Variants in RAD51B observed in about 807,000 individuals in gnomAD.
The protein encoded by RAD51B is DNA repair protein RAD51 homolog 2.
RAD51B carries 38 observed loss-of-function variants against 42.2 expected under a neutral mutation model. The ratio of observed to expected loss-of-function variants is 0.90; its 90% CI spans 0.70 to 1.18. RAD51B has a LOEUF of 1.18. RAD51B is among the 50% of genes most tolerant of loss of function. The pLI, the probability that RAD51B is intolerant of heterozygous loss-of-function variation, is 0.00. For synonymous variants in RAD51B, 154 were observed against 145.2 expected, an observed-to-expected ratio of 1.06 and a Z score of -0.43; for missense variants, 373 against 400.7, an observed-to-expected ratio of 0.93 and a Z score of 0.59.
chr14:68,524,836 T>G (rs1026547008), intron 10 of RAD51B, among the ~76,000 whole-genome samples: 1 of 152,240 alleles, frequency 6.6e-6, no homozygotes, highest in Non-Finnish European at 1.5e-5. Context: ...TCTCCAACGA[T>G]TTCTCTCCAG....
At chr14:68,578,844 G>A (rs777530710) in intron 10 of RAD51B, among the ~76,000 whole-genome samples, 1 of 152,226 alleles carries the variant, frequency 6.6e-6, no homozygotes, top group Non-Finnish European at 1.5e-5. Flanking sequence ...GCTAATGGGT[G>A]TGTCATTCGA....
chr14:68,477,863 C>T lies in RAD51B; in HGVS notation c.*199C>T, dbSNP rs1178441567. On this transcript the variant is annotated 3_prime_UTR_variant, in exon 11 of 11. Coordinates refer to ENST00000471583, the MANE Select transcript of RAD51B (RefSeq NM_133510.4). The stretch of plus-strand genomic sequence containing the variant: ...AGCAGGGAAGGTGAAGATGAAGAAG[C>T]CTTTGTTCAGGTCTCTAGATGTGTA... 1 of 1,420,658 alleles carries T rather than the reference C, an allele frequency of 7.0e-7. No homozygotes were observed. Among genetic ancestry groups the T allele is most frequent in the Non-Finnish European group, 9.2e-7 (1 of 1,089,524 alleles). 88.0% of individuals were successfully genotyped at this position (1,420,658 alleles called of 1,614,324 possible).
In RAD51B at chr14:67,939,693, G is replaced by T. The variant is rs1374639486; in HGVS notation, c.756+52489G>T. 2.0e-5 allele frequency among the ~76,000 whole-genome samples: 3 copies of T among 152,032 alleles called. No homozygotes were observed. In the East Asian group the frequency reaches 5.8e-4, roughly 29 times the overall value. ...TGAAGGCTGGAAGTCTGAGATCAGG[G>T]TGGAAGCATGGTTGGGTGCCCTCTT... On this transcript the variant is annotated intron_variant, in intron 7 of 10. Transcript: ENST00000471583.
chr14:68,140,555 T>C (rs988492899), intron 7 of RAD51B, among the ~76,000 whole-genome samples: 1 of 152,222 alleles, frequency 6.6e-6, no homozygotes, highest in East Asian at 1.9e-4. Flanking sequence ...CTCATAAAAA[T>C]GTTCTTATAA....
At chr14:67,826,082 T>C (rs966474315) in intron 3 of RAD51B, among the ~76,000 whole-genome samples, 2 of 152,212 alleles carry the variant, frequency 1.3e-5, no homozygotes, top group African/African-American at 2.4e-5. Context: ...AATTTCTAAA[T>C]ATGGGAATTA....
intron 7 of RAD51B, among the ~76,000 whole-genome samples, chr14:68,200,012 G>A (rs1595542526): frequency 6.6e-6 from 1 of 152,150 alleles, no homozygotes; most frequent in Non-Finnish European, 1.5e-5. Context: ...ATATTGGCTG[G>A]CTCCTTTTCC....
At chr14:67,843,822 ATTT>A (rs1215500790) in intron 4 of RAD51B, among the ~76,000 whole-genome samples, 1 of 134,172 alleles carries the variant, frequency 7.5e-6, no homozygotes. Flanking sequence ...CTTTTTAATT[ATTT>A]TTTTTTTTGC....
exon 11 of RAD51B, chr14:68,594,616 G>T: frequency 7.8e-7 from 1 of 1,284,586 alleles, no homozygotes; most frequent in Non-Finnish European, 1.0e-6. Context: ...TTTTGTAGAG[G>T]TGGGGTCTCA....
chr14:68,607,174 C>G (rs1257384198), intron 10 of RAD51B, among the ~76,000 whole-genome samples: 1 of 152,196 alleles, frequency 6.6e-6, no homozygotes, highest in Non-Finnish European at 1.5e-5. Flanking sequence ...GTGCACCCAG[C>G]CCCTCTGAGC....
At chr14:68,040,010 A>G (rs1440183505) in intron 7 of RAD51B, among the ~76,000 whole-genome samples, 1 of 152,222 alleles carries the variant, frequency 6.6e-6, no homozygotes, top group Non-Finnish European at 1.5e-5. Flanking sequence ...GAGGTAGTTT[A>G]GATTGGTTAA....
chr14:68,607,186 C>T (rs1283446490), intron 10 of RAD51B, among the ~76,000 whole-genome samples: 4 of 152,126 alleles, frequency 2.6e-5, no homozygotes, highest in Non-Finnish European at 4.4e-5. Context: ...CCTCTGAGCC[C>T]GTGCAGAGGC....
intron 7 of RAD51B, among the ~76,000 whole-genome samples, chr14:68,054,821 G>A (rs2076448164): frequency 6.6e-6 from 1 of 152,176 alleles, no homozygotes; most frequent in African/African-American, 2.4e-5. Context: ...GCTTGTGATT[G>A]ATCATCAGAA....
intron 7 of RAD51B, among the ~76,000 whole-genome samples, chr14:68,154,462 C>G (rs1190365633): frequency 1.3e-5 from 2 of 152,222 alleles, no homozygotes; most frequent in Non-Finnish European, 2.9e-5. Context: ...CATTCTTTCT[C>G]TAGCCTCAGG....
At chr14:67,895,719 T>C (rs1269468024) in intron 7 of RAD51B, among the ~76,000 whole-genome samples, 2 of 152,204 alleles carry the variant, frequency 1.3e-5, no homozygotes, top group African/African-American at 4.8e-5. Context: ...GTTTAGGATA[T>C]GATATAATAT....
At chr14:67,876,759 A>G (rs1246543093) in intron 5 of RAD51B, among the ~76,000 whole-genome samples, 2 of 152,152 alleles carry the variant, frequency 1.3e-5, no homozygotes, top group African/African-American at 4.8e-5. Context: ...TGGGACATTG[A>G]GAGTGGATGT....
chr14:68,541,186 G>A (rs867538479), intron 10 of RAD51B: 1 of 985,410 alleles, frequency 1.0e-6, no homozygotes, highest in Non-Finnish European at 1.2e-6. Flanking sequence ...CCAGGGAGAG[G>A]CTGCAGATCC....
chr14:68,468,446 G>A, intron 10 of RAD51B, 196 bp downstream of exon 10: 2 of 718,354 alleles, frequency 2.8e-6, no homozygotes, highest in South Asian at 2.8e-5. Flanking sequence ...AGAAGATTGA[G>A]GTAGGGCCGA....
intron 10 of RAD51B, among the ~76,000 whole-genome samples, chr14:68,573,428 C>T (rs995741735): frequency 6.6e-6 from 1 of 152,192 alleles, no homozygotes; most frequent in Admixed American, 6.5e-5. Flanking sequence ...CCTCACTGCC[C>T]ATACTTGGCC....
intron 9 of RAD51B, among the ~76,000 whole-genome samples, chr14:68,429,501 G>A (rs977302294): frequency 6.6e-6 from 1 of 152,172 alleles, no homozygotes; most frequent in Non-Finnish European, 1.5e-5. Context: ...TTCTCTGATG[G>A]CCAGTGGTAA....
Sources: allele counts gnomAD v4.1 joint callset (sites outside exome capture counted in the v4.1 genomes callset), GRCh38; gene constraint gnomAD v4.1.1; transcripts MANE v1.5; gene names NCBI Gene and HGNC (gene_info 2026-07-23, HGNC 2026-07-21).